STPG2: variants seen among roughly 807,000 people sequenced by gnomAD.
The protein encoded by STPG2 is sperm-tail PG-rich repeat-containing protein 2.
In STPG2, 56 loss-of-function variants were observed where a neutral mutation model predicts 54.2. The ratio of observed to expected loss-of-function variants is 1.03; its 90% CI spans 0.83 to 1.29. The LOEUF is 1.29. Ranked by LOEUF, STPG2 falls within the 50% of genes most tolerant of loss-of-function variation. The pLI is 0.00. For missense variants in STPG2, 596 were observed against 544.9 expected, an observed-to-expected ratio of 1.09 and a Z score of -0.93; for synonymous variants, 200 against 181.8, an observed-to-expected ratio of 1.10 and a Z score of -0.81.
intron 8 of STPG2, among the ~76,000 whole-genome samples, chr4:97,886,201 T>C (rs1730563144): frequency 6.6e-6 from 1 of 152,186 alleles, no homozygotes; most frequent in African/African-American, 2.4e-5. Context: ...AAAATCGAAG[T>C]GTATTCTAGT....
At chr4:97,450,709 T>C (rs1729344805) in intron 4 of STPG2, among the ~76,000 whole-genome samples, 1 of 152,138 alleles carries the variant, frequency 6.6e-6, no homozygotes, top group Non-Finnish European at 1.5e-5. Context: ...TGAGGGATAG[T>C]GCCACAGACC....
intron 9 of STPG2, among the ~76,000 whole-genome samples, chr4:97,797,620 G>A (rs1398790402): frequency 2.6e-5 from 4 of 152,166 alleles, no homozygotes; most frequent in Non-Finnish European, 5.9e-5. Context: ...TTGCATTGAT[G>A]TTCATCAGGG....
intron 10 of STPG2, among the ~76,000 whole-genome samples, chr4:97,686,947 T>A (rs1406720493): frequency 2.7e-5 from 4 of 149,856 alleles, no homozygotes; most frequent in African/African-American, 9.8e-5. Context: ...TATTATTTTT[T>A]TTTTTGAGAG....
intron 4 of STPG2, among the ~76,000 whole-genome samples, chr4:97,513,987 C>A (rs1016795078): frequency 2.0e-4 from 31 of 152,166 alleles, no homozygotes; most frequent in African/African-American, 7.5e-4. Flanking sequence ...AAGTCAGAAA[C>A]AATGCTTCAA....
chr4:97,691,757 G>T (rs1025089931), intron 10 of STPG2, among the ~76,000 whole-genome samples: 2 of 152,090 alleles, frequency 1.3e-5, no homozygotes, highest in Non-Finnish European at 2.9e-5. Context: ...ACCAGTCCAC[G>T]TAACAAGGTT....
At chr4:97,766,503 A>G (rs1726058292) in intron 9 of STPG2, among the ~76,000 whole-genome samples, 1 of 152,116 alleles carries the variant, frequency 6.6e-6, no homozygotes, top group South Asian at 2.1e-4. Flanking sequence ...TGTGAGCCCA[A>G]CATAATTTCT....
intron 9 of STPG2, among the ~76,000 whole-genome samples, chr4:97,795,401 G>A (rs1727134137): frequency 1.3e-5 from 2 of 152,140 alleles, no homozygotes; most frequent in African/African-American, 4.8e-5. Flanking sequence ...TGGTGTCCAA[G>A]TGTTCTCATT....
chr4:97,539,250 A>G (rs1453763685), intron 4 of STPG2, among the ~76,000 whole-genome samples: 2 of 152,218 alleles, frequency 1.3e-5, no homozygotes, highest in African/African-American at 4.8e-5. Context: ...AGACTGGTAA[A>G]TTGGATAAAG....
intron 5 of STPG2, among the ~76,000 whole-genome samples, chr4:98,003,007 G>A (rs1735459542): frequency 6.6e-6 from 1 of 152,036 alleles, no homozygotes. Context: ...ATGGTGGGCA[G>A]CTTAATTTAT....
intron 2 of STPG2, among the ~76,000 whole-genome samples, chr4:98,130,940 C>CAAAA (rs1215700216): frequency 2.1e-5 from 2 of 96,282 alleles, no homozygotes; most frequent in Non-Finnish European, 4.1e-5. Flanking sequence ...AAAAAAAAAA[C>CAAAA]AAAAAAAAAA....
intron 8 of STPG2, among the ~76,000 whole-genome samples, chr4:97,941,858 T>G (rs1215054): frequency 0.44 from 66,017 of 151,692 alleles, 14,742 homozygotes; most frequent in Admixed American, 0.54. Context: ...GCAAAAGAGA[T>G]TTAAAAACCA....
chr4:97,694,000 G>C (rs1485487919), intron 10 of STPG2, among the ~76,000 whole-genome samples: 1 of 152,088 alleles, frequency 6.6e-6, no homozygotes, highest in African/African-American at 2.4e-5. Flanking sequence ...AAACATCTGG[G>C]ATACAGCAAA....
At chr4:97,767,880 A>G (rs192593863) in intron 9 of STPG2, among the ~76,000 whole-genome samples, 38 of 152,300 alleles carry the variant, frequency 2.5e-4, no homozygotes, top group African/African-American at 8.7e-4. Context: ...GATAAAACAT[A>G]GAGTTGGCCA....
intron 6 of STPG2, among the ~76,000 whole-genome samples, chr4:97,979,762 G>A (rs1379908854): frequency 6.8e-6 from 1 of 146,782 alleles, no homozygotes; most frequent in East Asian, 2.0e-4. Context: ...GTCTTGCTCT[G>A]TTGCCAGGCT....
At chr4:98,087,560 C>CTTTTTT (rs70955916) in intron 5 of STPG2, among the ~76,000 whole-genome samples, 2 of 132,284 alleles carry the variant, frequency 1.5e-5, no homozygotes, top group East Asian at 2.1e-4. Context: ...CTCTTTTTTT[C>CTTTTTT]TTTTTTTTTT....
intron 5 of STPG2, among the ~76,000 whole-genome samples, chr4:98,024,774 C>A (rs1396237796): frequency 6.6e-6 from 1 of 152,216 alleles, no homozygotes; most frequent in Non-Finnish European, 1.5e-5. Flanking sequence ...ATTACTTTCA[C>A]TGGCTTTTCA....
At chr4:97,658,263 G>C (rs975709236) in intron 10 of STPG2, among the ~76,000 whole-genome samples, 5 of 152,174 alleles carry the variant, frequency 3.3e-5, no homozygotes, top group African/African-American at 1.2e-4. Flanking sequence ...TGTTCTTAAA[G>C]AAAAATGTAC....
rs562746455 is a variant in STPG2 at position 97,568,486 on chromosome 4, G to T, written c.1321-9369C>A. The stretch of plus-strand genomic sequence containing the variant: ...GACAAGTATTGACATATATATGTGT[G>T]TGTGTGTCTCTCTCTCTCACACACA... On this transcript the variant is annotated intron_variant, in intron 10 of 10. Transcript: ENST00000295268. Among the ~76,000 whole-genome samples the T allele has an allele frequency of 2.0e-5, 3 of 152,186 alleles. No homozygotes were observed. In the South Asian group the frequency reaches 6.2e-4, roughly 32 times the overall value.
chr4:98,134,502 C>A, intron 1 of STPG2, 43 bp from the exon 2 acceptor site: 1 of 1,253,562 alleles, frequency 8.0e-7, no homozygotes, highest in Non-Finnish European at 1.1e-6. Flanking sequence ...AGATAAGAGT[C>A]CAAGGATTTC....
Sources: gnomAD v4.1 joint callset for allele counts (sites outside exome capture counted in the v4.1 genomes callset) on GRCh38, gnomAD v4.1.1 for gene constraint, MANE v1.5 for transcripts, NCBI Gene and HGNC (gene_info 2026-07-23, HGNC 2026-07-21) for gene names.